Variants in C8orf34 observed in about 807,000 individuals in gnomAD.
C8orf34 encodes uncharacterized protein C8orf34.
Under a neutral mutation model 68.3 loss-of-function variants are expected in C8orf34, and 65 were observed. The ratio of observed to expected loss-of-function variants is 0.95; its 90% CI spans 0.78 to 1.17. The LOEUF (loss-of-function observed/expected upper bound fraction) is 1.17, where lower values mean the gene tolerates loss of function less well. Ranked by LOEUF, C8orf34 falls within the 50% of genes most tolerant of loss-of-function variation. The probability of loss-of-function intolerance (pLI) is 0.00; values close to 1 mark genes in which losing one functional copy is unlikely to be tolerated. For synonymous variants in C8orf34, 244 were observed against 241.2 expected (o/e 1.01, Z -0.11); for missense variants, 664 against 655.4 (o/e 1.01, Z -0.14).
chr8:68,794,506 T>TATATATATATACATA (rs58048066), intron 12 of C8orf34, among the ~76,000 whole-genome samples: 13 of 59,036 alleles, frequency 2.2e-4, no homozygotes, highest in Non-Finnish European at 3.8e-4. Flanking sequence ...TATATATATA[T>TATATATATATACATA]TTTTTTTTTT....
chr8:68,454,406 G>GT (rs1474785711), intron 3 of C8orf34, among the ~76,000 whole-genome samples: 2 of 151,992 alleles, frequency 1.3e-5, no homozygotes, highest in African/African-American at 2.4e-5. Context: ...CCTTGTCCTT[G>GT]TTGGGAGATT....
intron 5 of C8orf34, among the ~76,000 whole-genome samples, chr8:68,504,335 G>A (rs1386610024): frequency 3.9e-5 from 6 of 152,078 alleles, no homozygotes; most frequent in East Asian, 1.9e-4. Context: ...ATCAGTTGAC[G>A]GATCTTTGAG....
rs528896265 is a variant in C8orf34 at position 68,480,192 on chromosome 8, T to C, written c.737-7831T>C. ...TGGAATCACAGGGGCCAGCTTTTCC[T>C]GTGCTATTCTCATGCTAGTGAATAA... On this transcript the variant is annotated intron_variant, in intron 4 of 13. Transcript: ENST00000518698. 7.2e-5 allele frequency among the ~76,000 whole-genome samples: 11 copies of C among 152,304 alleles called. No homozygotes were observed. The East Asian group carries it at 2.1e-3, about 29-fold the overall frequency.
intron 10 of C8orf34, among the ~76,000 whole-genome samples, chr8:68,763,312 C>A (rs1160016800): frequency 2.6e-5 from 4 of 152,126 alleles, no homozygotes; most frequent in Non-Finnish European, 1.5e-5. Context: ...AAGTTTTATC[C>A]ATTTTCCTTG....
chr8:68,726,693 A>C (rs1239743216), intron 10 of C8orf34, among the ~76,000 whole-genome samples: 1 of 152,188 alleles, frequency 6.6e-6, no homozygotes, highest in Non-Finnish European at 1.5e-5. Flanking sequence ...AGAGCTCCGA[A>C]TCATGGTGGG....
chr8:68,396,631 G>T (rs1808719550), intron 1 of C8orf34, among the ~76,000 whole-genome samples: 1 of 140,792 alleles, frequency 7.1e-6, no homozygotes, highest in Non-Finnish European at 1.5e-5. Flanking sequence ...AATAGAAGTG[G>T]ATCCCTCATG....
intron 7 of C8orf34, among the ~76,000 whole-genome samples, chr8:68,565,323 C>A (rs1816553739): frequency 6.6e-6 from 1 of 152,128 alleles, no homozygotes; most frequent in South Asian, 2.1e-4. Flanking sequence ...TTAACTTATT[C>A]TCACTACATG....
chr8:68,700,863 T>A lies in C8orf34; in HGVS notation c.1242-8131T>A, dbSNP rs59191850. Reference sequence around the variant, plus strand: ...TAAATCTGGAGAAACATACTGGAATTCTAAAAATGGAAATTTAACATTTTG... The same window carrying A: ...TAAATCTGGAGAAACATACTGGAATACTAAAAATGGAAATTTAACATTTTG... On this transcript the variant is annotated intron_variant, in intron 8 of 13. Transcript: ENST00000518698. Among the ~76,000 whole-genome samples, 1,000 of 152,222 alleles carry A rather than the reference T, an allele frequency of 6.6e-3. 12 individuals are homozygous for A. Among genetic ancestry groups the A allele is most frequent in the African/African-American group, 0.023 (961 of 41,542 alleles).
intron 1 of C8orf34, among the ~76,000 whole-genome samples, chr8:68,409,142 C>T (rs187724125): frequency 8.5e-5 from 13 of 152,326 alleles, no homozygotes; most frequent in African/African-American, 1.4e-4. Flanking sequence ...GTGCATAATA[C>T]TTGATAATGA....
At chr8:68,672,008 A>G (rs950392088) in intron 8 of C8orf34, among the ~76,000 whole-genome samples, 3 of 152,224 alleles carry the variant, frequency 2.0e-5, no homozygotes, top group Non-Finnish European at 4.4e-5. Flanking sequence ...AACAAGAGGA[A>G]AAAACCAAAA....
At chr8:68,729,697 C>T (rs1357845630) in intron 10 of C8orf34, among the ~76,000 whole-genome samples, 1 of 152,114 alleles carries the variant, frequency 6.6e-6, no homozygotes, top group East Asian at 1.9e-4. Flanking sequence ...AAAAATTGTA[C>T]TCATATAATT....
At chr8:68,422,544 C>T (rs1563425495) in intron 1 of C8orf34, among the ~76,000 whole-genome samples, 2 of 152,212 alleles carry the variant, frequency 1.3e-5, no homozygotes, top group African/African-American at 2.4e-5. Context: ...GTACAGCCCA[C>T]CTCCCAGCTG....
intron 7 of C8orf34, among the ~76,000 whole-genome samples, chr8:68,595,156 T>G (rs1452446633): frequency 6.7e-6 from 1 of 149,342 alleles, no homozygotes; most frequent in Non-Finnish European, 1.5e-5. Context: ...TTTACAATAA[T>G]AAACTTTTCT....
At chr8:68,525,952 C>CT in intron 6 of C8orf34, 3 of 177,820 alleles carry the variant, frequency 1.7e-5, no homozygotes, top group Admixed American at 7.6e-5. Context: ...AAATTTCTTT[C>CT]TTTCTTTTTT....
chr8:68,530,749 T>C, intron 6 of C8orf34: 1 of 396,090 alleles, frequency 2.5e-6, no homozygotes, highest in Non-Finnish European at 3.6e-6. Flanking sequence ...TGGAATGATA[T>C]CGAGGGTTAG....
chr8:68,527,364 A>G (rs1409167431), intron 6 of C8orf34, among the ~76,000 whole-genome samples: 3 of 152,168 alleles, frequency 2.0e-5, no homozygotes, highest in African/African-American at 7.2e-5. Flanking sequence ...CAAGGTCAGG[A>G]GGTCGAAACC....
At chr8:68,476,612 G>A (rs1272400525) in intron 4 of C8orf34, among the ~76,000 whole-genome samples, 1 of 152,134 alleles carries the variant, frequency 6.6e-6, no homozygotes, top group African/African-American at 2.4e-5. Context: ...AGGGCGAGTT[G>A]GGTTTTATGC....
intron 3 of C8orf34, among the ~76,000 whole-genome samples, chr8:68,464,076 T>C (rs376157091): frequency 6.6e-6 from 1 of 152,158 alleles, no homozygotes; most frequent in African/African-American, 2.4e-5. Context: ...CTTAAGCTGA[T>C]AAGCAACTTC....
intron 12 of C8orf34, among the ~76,000 whole-genome samples, chr8:68,793,262 T>G (rs1232614908): frequency 2.6e-5 from 4 of 152,226 alleles, no homozygotes; most frequent in African/African-American, 9.6e-5. Context: ...TTTCTTCAGT[T>G]AAAACTACAT....
Sources: allele counts gnomAD v4.1 joint callset (sites outside exome capture counted in the v4.1 genomes callset), GRCh38; gene constraint gnomAD v4.1.1; transcripts MANE v1.5; gene names NCBI Gene and HGNC (gene_info 2026-07-23, HGNC 2026-07-21).